Variants in CLTA observed in about 807,000 individuals in gnomAD.
CLTA encodes the protein clathrin, light polypeptide (Lca).
CLTA carries 9 observed loss-of-function variants against 26.9 expected under a neutral mutation model. The ratio of observed to expected loss-of-function variants is 0.33; its 90% CI spans 0.20 to 0.58. The LOEUF (loss-of-function observed/expected upper bound fraction) is 0.58. Among genes scored for constraint, CLTA ranks in the 20% least tolerant of loss-of-function variants. CLTA has a pLI of 0.85. For synonymous variants in CLTA, 120 were observed against 115.5 expected (o/e 1.04, Z -0.25); for missense variants, 278 against 294.2 (o/e 0.94, Z 0.40).
At chr9:36,210,641 C>T in intron 4 of CLTA, 1 of 1,614,184 alleles carries the variant, frequency 6.2e-7, no homozygotes, top group Non-Finnish European at 8.5e-7. Context: ...CATAAACCAT[C>T]CTTGCTACAG....
intron 1 of CLTA, 43 bp from the exon 2 acceptor site, chr9:36,197,508 T>C: frequency 6.7e-7 from 1 of 1,495,292 alleles, no homozygotes; most frequent in Non-Finnish European, 9.3e-7. Context: ...GGCCCAGTGT[T>C]TGACCAGTCC....
chr9:36,207,072 C>T (rs1382797446), intron 4 of CLTA, among the ~76,000 whole-genome samples: 1 of 152,126 alleles, frequency 6.6e-6, no homozygotes, highest in Non-Finnish European at 1.5e-5. Context: ...TGAGAGCATC[C>T]TCAGGCCTCC....
chr9:36,210,731 C>G, intron 4 of CLTA: 1 of 1,583,344 alleles, frequency 6.3e-7, no homozygotes, highest in Non-Finnish European at 8.7e-7. Flanking sequence ...TGGCTCTGGG[C>G]TTCAGCGGTG....
Position 36,211,947 on chromosome 9 carries a change from C to A in CLTA, c.*173C>A. On this transcript the variant is annotated 3_prime_UTR_variant, in exon 5 of 5. Coordinates refer to ENST00000345519, the MANE Select transcript of CLTA (RefSeq NM_001833.4). ...CTTCCTTCAACTGTGTTCTCCCTGG[C>A]ATTCAGAGAGGAGGGAGAGGAGGAA... is the stretch of plus-strand genomic sequence containing the variant. 2 of 714,954 alleles carry A rather than the reference C, an allele frequency of 2.8e-6. No homozygotes were observed. Among genetic ancestry groups the A allele is most frequent in the South Asian group, 1.6e-5 (1 of 63,582 alleles). The allele number at this position is 714,954 out of a possible 1,614,324, so 44.3% of individuals were successfully genotyped here. A position where few individuals can be genotyped will look rare whatever the true frequency, so the allele number is the denominator to read the frequency against.
chr9:36,197,633 T>G (rs376162331), intron 2 of CLTA, 45 bp downstream of exon 2: 27 of 1,444,424 alleles, frequency 1.9e-5, no homozygotes, highest in Non-Finnish European at 2.2e-5. Context: ...ATTGAGAATC[T>G]TCCTTTCCTG....
chr9:36,198,808 G>A (rs1354549599), intron 2 of CLTA, among the ~76,000 whole-genome samples, 171 bp from the exon 3 acceptor site: 1 of 151,322 alleles, frequency 6.6e-6, no homozygotes, highest in African/African-American at 2.4e-5. Flanking sequence ...GGGAGGTGGA[G>A]GTTGCAGTGA....
intron 1 of CLTA, among the ~76,000 whole-genome samples, chr9:36,194,060 C>G (rs140598584): frequency 2.0e-5 from 3 of 152,296 alleles, no homozygotes; most frequent in South Asian, 2.1e-4. Context: ...GACAGTCGCT[C>G]TGTCACCCAG....
chr9:36,208,691 T>C (rs998040675), intron 4 of CLTA, among the ~76,000 whole-genome samples: 1 of 152,248 alleles, frequency 6.6e-6, no homozygotes, highest in African/African-American at 2.4e-5. Flanking sequence ...ATCTGGTGTC[T>C]GGCAGCATTC....
chr9:36,192,985 A>G (rs928702771), intron 1 of CLTA, among the ~76,000 whole-genome samples: 1 of 152,224 alleles, frequency 6.6e-6, no homozygotes, highest in African/African-American at 2.4e-5. Context: ...GTAGATGCTC[A>G]CGTTTGACAA....
chr9:36,202,635 C>T (rs1457690842), intron 3 of CLTA, among the ~76,000 whole-genome samples: 1 of 152,192 alleles, frequency 6.6e-6, no homozygotes, highest in Non-Finnish European at 1.5e-5. Flanking sequence ...GAAATTCACT[C>T]AAACTTTCTG....
rs901154541 is a variant in CLTA, at chr9:36,211,984, G to A, written c.*210G>A. The A allele has an allele frequency of 1.4e-6, 1 of 691,516 alleles. No individual in the cohort carries two copies. The highest frequency in any genetic ancestry group is 2.6e-6 in the Non-Finnish European group (1 of 381,390). The allele number at this position is 691,516 out of a possible 1,614,324, so 42.8% of individuals were successfully genotyped here. On this transcript the variant is annotated 3_prime_UTR_variant, in exon 5 of 5. Transcript: ENST00000345519. ...AGGGAGAGGAGGAAGAGGAAGGGGA[G>A]GGAAGCTTCCCAAGAGTAGCCTCAA...
intron 1 of CLTA, among the ~76,000 whole-genome samples, chr9:36,196,640 C>T (rs1050796199): frequency 2.0e-5 from 3 of 152,170 alleles, no homozygotes; most frequent in South Asian, 2.1e-4. Flanking sequence ...TGAGCCACCG[C>T]GCCCAGCTGT....
At chr9:36,198,641 A>G (rs1167217951) in intron 2 of CLTA, among the ~76,000 whole-genome samples, 1 of 149,178 alleles carries the variant, frequency 6.7e-6, no homozygotes, top group Non-Finnish European at 1.5e-5. Context: ...AGATTGCGCC[A>G]CTGCACTCCA....
chr9:36,196,324 TTTTTTTCTTTC>T (rs1272080334), intron 1 of CLTA, among the ~76,000 whole-genome samples: 42 of 150,620 alleles, frequency 2.8e-4, no homozygotes, highest in Admixed American at 1.8e-3. Context: ...AGCAATTCCT[TTTTTTTCTTTC>T]TTTTTTCTTT....
intron 1 of CLTA, among the ~76,000 whole-genome samples, chr9:36,196,257 T>G (rs534437477): frequency 2.0e-5 from 3 of 149,718 alleles, no homozygotes; most frequent in Admixed American, 2.0e-4. Context: ...TACTCTAGCC[T>G]GGGCAACAGA....
At chr9:36,197,035 C>A (rs745530710) in intron 1 of CLTA, among the ~76,000 whole-genome samples, 3 of 152,130 alleles carry the variant, frequency 2.0e-5, no homozygotes, top group Non-Finnish European at 4.4e-5. Flanking sequence ...ATTATCCAGG[C>A]GTGGTGGCGC....
chr9:36,205,124 G>A (rs1827637840), intron 4 of CLTA, among the ~76,000 whole-genome samples: 2 of 152,198 alleles, frequency 1.3e-5, no homozygotes, highest in Non-Finnish European at 2.9e-5. Flanking sequence ...GTGCTATTGT[G>A]GGTCCAGTAT....
intron 4 of CLTA, among the ~76,000 whole-genome samples, chr9:36,211,196 T>C (rs1828021835): frequency 6.6e-6 from 1 of 152,248 alleles, no homozygotes. Context: ...ATCTGTGGGC[T>C]TTTTAGAAGT....
At chr9:36,205,761 T>G (rs1053164173) in intron 4 of CLTA, among the ~76,000 whole-genome samples, 30 of 144,318 alleles carry the variant, frequency 2.1e-4, no homozygotes, top group East Asian at 4.0e-4. Context: ...ACCTGTTTTT[T>G]TTTTTTTTTT....
Sources: allele counts gnomAD v4.1 joint callset (sites outside exome capture counted in the v4.1 genomes callset), GRCh38; gene constraint gnomAD v4.1.1; transcripts MANE v1.5; gene names NCBI Gene and HGNC (gene_info 2026-07-23, HGNC 2026-07-21).